Variants in DNAH5 observed in about 807,000 individuals in gnomAD.
DNAH5 encodes axonemal beta dynein heavy chain 5.
DNAH5 carries 372 observed loss-of-function variants against 518.2 expected under a neutral mutation model. The observed-to-expected ratio is 0.72, with a 90% confidence interval of 0.66 to 0.78. The LOEUF is 0.78. Among genes scored for constraint, DNAH5 ranks in the 30% least tolerant of loss-of-function variants. DNAH5 has a pLI of 0.00. For missense variants in DNAH5, 5,523 were observed against 5,687.0 expected (o/e 0.97, Z 0.93); for synonymous variants, 2,039 against 2,025.9 (o/e 1.01, Z -0.17).
Position 13,793,742 on chromosome 5 carries a change from C to A in DNAH5, c.8011-14G>T, listed in dbSNP as rs1391875596. The A allele has an allele frequency of 6.2e-7, 1 of 1,611,970 alleles. No homozygotes were observed. The highest frequency in any genetic ancestry group is 8.5e-7 in the Non-Finnish European group (1 of 1,178,532). The stretch of plus-strand genomic sequence containing the variant: ...CTCATTCGTAACCTACAAAAGACAA[C>A]TTTCAGAATTAAAGCATCATTCCTT... On this transcript the variant is annotated splice_polypyrimidine_tract_variant and intron_variant, in intron 48 of 78. Transcript: ENST00000265104.
chr5:13,987,798 A>G (rs146725794), intron 1 of DNAH5, among the ~76,000 whole-genome samples: 9,342 of 151,982 alleles, frequency 0.061, 418 homozygotes, highest in African/African-American at 0.12. Flanking sequence ...AGATTGCAGC[A>G]AGCCAAGATG....
In DNAH5 at chr5:13,835,720, CCT is replaced by C. The variant is rs535212132; in HGVS notation, c.5882+3634_5882+3635del. Among the ~76,000 whole-genome samples the C allele has an allele frequency of 6.6e-5, 10 of 152,244 alleles. No homozygotes were observed. In the East Asian group the frequency reaches 1.2e-3, roughly 18 times the overall value. On this transcript the variant is annotated intron_variant, in intron 35 of 78. Transcript: ENST00000265104. The stretch of plus-strand genomic sequence containing the variant: ...CTCCTAATATAACCTACTGTTTTCC[CCT>C]GTTTACGTGGTTTTTCTCTCTCTGC...
chr5:13,721,184 A>G lies in DNAH5; in HGVS notation c.12095T>C (p.Leu4032Ser). The change falls in exon 71 of 79, where the codon TTG becomes TCG. Residue 4032 changes from leucine to serine, a missense_variant. By Grantham distance (145) the Leu-to-Ser change is moderately radical. Around this residue, in one of 3 missense-constraint regions of DNAH5, gnomAD observed 5,121 missense variants for 5,223.3 expected, o/e 0.98. Transcript: ENST00000265104. ...ATCAGATTCCTCCCACGTCTTCTCC[A>G]AGTCTAAAATAACACCTTCGGCATA... The part of the protein sequence containing the change: ...EKYAEGVILD[L>S]EKTWEESDPR... 1.2e-6 allele frequency: 2 copies of G among 1,614,164 alleles called. No individual in the cohort carries two copies. The highest frequency in any genetic ancestry group is 1.3e-5 in the African/African-American group (1 of 75,058).
At chr5:13,831,797 G>A (rs557176081) in intron 35 of DNAH5, among the ~76,000 whole-genome samples, 2 of 152,274 alleles carry the variant, frequency 1.3e-5, no homozygotes, top group South Asian at 4.1e-4. Flanking sequence ...TTCCAAAGCA[G>A]AGTCTGTAAC....
chr5:13,829,286 G>A (rs773436212), intron 38 of DNAH5, among the ~76,000 whole-genome samples: 20 of 152,236 alleles, frequency 1.3e-4, no homozygotes, highest in Non-Finnish European at 2.6e-4. Flanking sequence ...AACCAGTGCA[G>A]ATAATATTCA....
At chr5:13,890,878 TA>T (rs1185112867) in intron 17 of DNAH5, 97 bp downstream of exon 17, 3 of 1,373,932 alleles carry the variant, frequency 2.2e-6, no homozygotes, top group African/African-American at 2.9e-5. Context: ...GCACTGCAAG[TA>T]GAGAAAAAAA....
chr5:14,004,661 T>TAG (rs1196263086), intron 1 of DNAH5, among the ~76,000 whole-genome samples: 2 of 152,158 alleles, frequency 1.3e-5, no homozygotes, highest in African/African-American at 4.8e-5. Context: ...CCACCACACT[T>TAG]ACTCTGTGAG....
At position 13,942,695 on chromosome 5, in the gene DNAH5, C is replaced by T. The variant is rs577011734; in HGVS notation, c.57+1687G>A. 2.6e-5 allele frequency among the ~76,000 whole-genome samples: 4 copies of T among 152,108 alleles called. No homozygotes were observed. In the South Asian group the frequency reaches 6.2e-4, roughly 24 times the overall value. On this transcript the variant is annotated intron_variant, in intron 1 of 78. Transcript: ENST00000265104. ...TTCTTCAGCAAGAATCCTGGTAGGTCGTCAGTTTAGCCAGAATCCCCCTCC... is the reference window on the plus strand; with the variant it reads ...TTCTTCAGCAAGAATCCTGGTAGGTTGTCAGTTTAGCCAGAATCCCCCTCC...
intron 12 of DNAH5, among the ~76,000 whole-genome samples, chr5:13,903,164 A>G (rs1774881505): frequency 6.6e-6 from 1 of 152,160 alleles, no homozygotes. Context: ...GATTTTTAAA[A>G]ATAAAATTTA....
chr5:13,692,224 G>T, intron 78 of DNAH5, 89 bp from the exon 79 acceptor site: 2 of 1,452,464 alleles, frequency 1.4e-6, no homozygotes, highest in Non-Finnish European at 1.9e-6. Flanking sequence ...CATTCTGTAG[G>T]TCATTTCAAA....
chr5:13,770,243 C>G (rs1753149324), intron 56 of DNAH5, among the ~76,000 whole-genome samples: 1 of 152,170 alleles, frequency 6.6e-6, no homozygotes, highest in African/African-American at 2.4e-5. Context: ...GAAGAAACTT[C>G]AGGGAAGCAG....
In DNAH5 at chr5:13,753,568, A is replaced by G. The variant is rs1226543775; in HGVS notation, c.10556-19T>C. ...ACATCCCCTAAAATAGAAAACAAAC[A>G]CCATTGAAATACTTTACGTTCATCC... On this transcript the variant is annotated intron_variant, in intron 62 of 78. Transcript: ENST00000265104. 1.3e-6 allele frequency: 2 copies of G among 1,596,064 alleles called. No individual in the cohort carries two copies. The highest frequency in any genetic ancestry group is 1.7e-6 in the Non-Finnish European group (2 of 1,165,196).
At chr5:13,794,098 C>G (rs886038480) in intron 47 of DNAH5, 40 bp from the exon 48 acceptor site, 1 of 1,613,040 alleles carries the variant, frequency 6.2e-7, no homozygotes, top group Admixed American at 1.7e-5. Flanking sequence ...GTGAAAATAT[C>G]CCCTAAAACC....
chr5:13,971,477 T>C (rs1244708813), intron 1 of DNAH5, among the ~76,000 whole-genome samples: 1 of 152,162 alleles, frequency 6.6e-6, no homozygotes, highest in Non-Finnish European at 1.5e-5. Flanking sequence ...TCCCTGGATG[T>C]GGTGTTCTCC....
At chr5:13,765,540 G>A (rs192505799) in intron 59 of DNAH5, among the ~76,000 whole-genome samples, 62 of 152,228 alleles carry the variant, frequency 4.1e-4, no homozygotes, top group African/African-American at 1.1e-3. Flanking sequence ...TTTTCTTCCA[G>A]TGTTCACAAA....
chr5:13,871,539 A>C, intron 23 of DNAH5, 25 bp downstream of exon 23: 1 of 1,572,242 alleles, frequency 6.4e-7, no homozygotes, highest in Admixed American at 1.7e-5. Flanking sequence ...AATTTATATA[A>C]CTATATGAAA....
At chr5:13,845,990 C>A (rs979914396) in intron 31 of DNAH5, among the ~76,000 whole-genome samples, 1 of 149,596 alleles carries the variant, frequency 6.7e-6, no homozygotes, top group East Asian at 1.9e-4. Flanking sequence ...GCCACCACGC[C>A]CAGCTAATAT....
rs781566109 is a variant in DNAH5 at position 13,919,273 on chromosome 5, C to CT, written c.877dup (p.Arg293LysfsTer6). ...CAAAAGGTAGTTAAACTTGGAGAGT[C>CT]TTTTTTTCCAGTGCTCCAGCTCCGC... On this transcript the variant is annotated frameshift_variant, in exon 7 of 79. Transcript: ENST00000265104. LOFTEE classifies it high-confidence loss of function. 1 of 1,614,114 alleles carries CT rather than the reference C, an allele frequency of 6.2e-7. No individual in the cohort carries two copies. Among genetic ancestry groups the CT allele is most frequent in the Non-Finnish European group, 8.5e-7 (1 of 1,179,990 alleles).
chr5:13,770,026 T>C (rs1451914029), intron 56 of DNAH5, among the ~76,000 whole-genome samples: 1 of 152,188 alleles, frequency 6.6e-6, no homozygotes, highest in Non-Finnish European at 1.5e-5. Flanking sequence ...TGATGTGGGC[T>C]TAAGAAACCA....
Sources: allele counts gnomAD v4.1 joint callset (sites outside exome capture counted in the v4.1 genomes callset), GRCh38; gene constraint gnomAD v4.1.1; regional missense constraint gnomAD v4.1.1; transcripts MANE v1.5; gene names NCBI Gene and HGNC (gene_info 2026-07-23, HGNC 2026-07-21).